NCAM2: variants seen among roughly 807,000 people sequenced by gnomAD.
The protein encoded by NCAM2 is neural cell adhesion molecule 2, also known as N-CAM-2.
A neutral mutation model predicts 98.1 loss-of-function variants in NCAM2; 30 were observed. That is an observed-to-expected ratio of 0.31 (90% CI 0.23 to 0.41). NCAM2 has a LOEUF of 0.41. Among genes scored for constraint, NCAM2 ranks in the 10% least tolerant of loss-of-function variants. NCAM2 has a pLI of 1.00. For synonymous variants in NCAM2, 368 were observed against 342.4 expected (o/e 1.07, Z -0.83); for missense variants, 867 against 1,005.8 (o/e 0.86, Z 1.87).
chr21:21,085,289 G>T (rs1049330696), intron 1 of NCAM2, among the ~76,000 whole-genome samples: 2 of 151,870 alleles, frequency 1.3e-5, no homozygotes, highest in Admixed American at 1.3e-4. Context: ...ATGCACTCAG[G>T]AACCTGGGTA....
intron 1 of NCAM2, among the ~76,000 whole-genome samples, chr21:21,064,842 G>C (rs190786338): frequency 5.9e-5 from 9 of 152,040 alleles, no homozygotes; most frequent in Non-Finnish European, 7.4e-5. Flanking sequence ...TGATCAACGG[G>C]CAACATGATT....
Position 21,048,414 on chromosome 21 carries a change from G to T in NCAM2, c.55+49796G>T, listed in dbSNP as rs529271200. Among the ~76,000 whole-genome samples the T allele has an allele frequency of 9.9e-5, 15 of 151,896 alleles. No individual in the cohort carries two copies. The South Asian group carries it at 2.3e-3, about 23-fold the overall frequency. The stretch of plus-strand genomic sequence containing the variant: ...GTCACCCAGACTGGAGTACAGTGGC[G>T]CAATCTCTGCTCGCTGCAAGCTCTG... On this transcript the variant is annotated intron_variant, in intron 1 of 17. Coordinates refer to ENST00000400546, the MANE Select transcript of NCAM2 (RefSeq NM_004540.5).
At chr21:21,425,563 A>G (rs1461541310) in intron 11 of NCAM2, among the ~76,000 whole-genome samples, 1 of 152,114 alleles carries the variant, frequency 6.6e-6, no homozygotes, top group East Asian at 1.9e-4. Context: ...GAACACTGCT[A>G]TGGAGAATAT....
At chr21:21,522,330 G>A (rs1034084598) in intron 16 of NCAM2, among the ~76,000 whole-genome samples, 1 of 149,294 alleles carries the variant, frequency 6.7e-6, no homozygotes, top group Non-Finnish European at 1.5e-5. Context: ...TATCTATATA[G>A]AATACTGAAA....
intron 12 of NCAM2, among the ~76,000 whole-genome samples, chr21:21,451,209 A>C (rs1981015708): frequency 1.3e-5 from 2 of 152,080 alleles, no homozygotes; most frequent in Non-Finnish European, 1.5e-5. Flanking sequence ...GAGGTGAATA[A>C]ATGGATTATC....
intron 9 of NCAM2, among the ~76,000 whole-genome samples, chr21:21,406,698 C>A (rs1456471225): frequency 2.0e-5 from 3 of 152,130 alleles, no homozygotes; most frequent in Non-Finnish European, 4.4e-5. Flanking sequence ...AAAATTAATT[C>A]TTCCAATAAA....
intron 1 of NCAM2, among the ~76,000 whole-genome samples, chr21:21,147,915 A>T (rs1432302435): frequency 6.6e-6 from 1 of 151,694 alleles, no homozygotes. Context: ...GATGAATAAC[A>T]TATAGGATAT....
At chr21:21,017,418 C>T in intron 1 of NCAM2, among the ~76,000 whole-genome samples, 1 of 71,956 alleles carries the variant, frequency 1.4e-5, no homozygotes, top group Non-Finnish European at 2.3e-5. Flanking sequence ...GAGTGAGACT[C>T]TGTCTCAAAA....
chr21:21,535,397 T>A (rs1235888651), intron 17 of NCAM2, among the ~76,000 whole-genome samples: 2 of 152,094 alleles, frequency 1.3e-5, no homozygotes, highest in Non-Finnish European at 2.9e-5. Context: ...ACTTTTTAAT[T>A]TTATTATTTT....
chr21:21,226,695 G>C (rs771934915), intron 1 of NCAM2: 1 of 152,048 alleles, frequency 6.6e-6, no homozygotes, highest in Non-Finnish European at 1.5e-5. Context: ...ATTCACAAAG[G>C]ACAGCCTGCT....
At position 21,146,546 on chromosome 21, in the gene NCAM2, GATATATATATGTAT is replaced by G. The variant is rs1047294337; in HGVS notation, c.56-134021_56-134008del. On this transcript the variant is annotated intron_variant, in intron 1 of 17. Coordinates refer to ENST00000400546, the MANE Select transcript of NCAM2 (RefSeq NM_004540.5). The stretch of plus-strand genomic sequence containing the variant: ...ATGTGATTATATAAAATACTTACAG[GATATATATATGTAT>G]ATATATATATATATGGATTATATAA... Among the ~76,000 whole-genome samples the G allele has an allele frequency of 3.6e-3, 179 of 50,404 alleles. 2 individuals carry two copies. The highest frequency in any genetic ancestry group is 8.6e-3 in the African/African-American group (168 of 19,534). 33.1% of individuals were successfully genotyped at this position (50,404 alleles called of 152,430 possible). A position where few individuals can be genotyped will look rare whatever the true frequency, so the allele number is the denominator to read the frequency against.
intron 1 of NCAM2, among the ~76,000 whole-genome samples, chr21:21,213,524 A>T (rs898891594): frequency 6.6e-6 from 1 of 152,164 alleles, no homozygotes; most frequent in African/African-American, 2.4e-5. Context: ...AATTTTCAAG[A>T]TAAAGGCACT....
intron 1 of NCAM2, among the ~76,000 whole-genome samples, chr21:21,245,764 C>T (rs142514789): frequency 4.3e-4 from 65 of 151,916 alleles, no homozygotes; most frequent in African/African-American, 1.5e-3. Context: ...TTCTTTCTTC[C>T]CTGAGGGAGA....
At chr21:21,265,852 A>G (rs2072249077) in intron 1 of NCAM2, among the ~76,000 whole-genome samples, 1 of 152,110 alleles carries the variant, frequency 6.6e-6, no homozygotes, top group African/African-American at 2.4e-5. Context: ...AAACCTCAGC[A>G]TTACTCAACT....
intron 1 of NCAM2, among the ~76,000 whole-genome samples, chr21:21,267,146 GTTTAATA>G (rs1361125734): frequency 6.6e-6 from 1 of 152,124 alleles, no homozygotes; most frequent in Admixed American, 6.5e-5. Context: ...ATACTGCACA[GTTTAATA>G]TTTAATTATG....
intron 11 of NCAM2, among the ~76,000 whole-genome samples, chr21:21,419,434 C>T (rs2440601): frequency 0.27 from 40,486 of 147,498 alleles, 5,995 homozygotes; most frequent in East Asian, 0.46. Flanking sequence ...TATGTATACA[C>T]GTGCCATGCT....
intron 1 of NCAM2, among the ~76,000 whole-genome samples, chr21:21,012,346 T>A (rs978124998): frequency 2.0e-5 from 3 of 152,174 alleles, no homozygotes. Flanking sequence ...CTTTTCTTAT[T>A]GTGAATCACT....
chr21:21,123,847 G>GTTTT (rs1569047303), intron 1 of NCAM2, among the ~76,000 whole-genome samples: 1 of 14,812 alleles, frequency 6.8e-5, no homozygotes, highest in Non-Finnish European at 1.6e-4. Context: ...ATTCTTGATT[G>GTTTT]CTTTTTTTTT....
intron 5 of NCAM2, among the ~76,000 whole-genome samples, chr21:21,311,543 G>A (rs770777881): frequency 1.3e-5 from 2 of 151,780 alleles, no homozygotes; most frequent in African/African-American, 2.4e-5. Context: ...GGGTTTCACC[G>A]TGTTAGCCAG....
Sources: gnomAD v4.1 joint callset for allele counts (sites outside exome capture counted in the v4.1 genomes callset) on GRCh38, gnomAD v4.1.1 for gene constraint, MANE v1.5 for transcripts, NCBI Gene and HGNC (gene_info 2026-07-23, HGNC 2026-07-21) for gene names.